Variants in ZNF221 observed in about 807,000 individuals in gnomAD.
ZNF221 encodes the protein zinc finger protein 221.
Under a neutral mutation model 12.6 loss-of-function variants are expected in ZNF221, and 10 were observed. That is an observed-to-expected ratio of 0.79 (90% CI 0.49 to 1.34). The LOEUF (loss-of-function observed/expected upper bound fraction) is 1.34. Among genes scored for constraint, ZNF221 ranks in the 40% most tolerant of loss-of-function variants. The pLI, the probability that ZNF221 is intolerant of heterozygous loss-of-function variation, is 0.00. For synonymous variants in ZNF221, 232 were observed against 244.0 expected (o/e 0.95, Z 0.46); for missense variants, 661 against 721.4 (o/e 0.92, Z 0.96).
chr19:43,954,543 T>C (rs1192070669), intron 1 of ZNF221, among the ~76,000 whole-genome samples: 4 of 152,188 alleles, frequency 2.6e-5, no homozygotes, highest in Non-Finnish European at 5.9e-5. Context: ...AGGTGCAGAA[T>C]AGTGGACTGT....
downstream of ZNF221, among the ~76,000 whole-genome samples, chr19:43,972,377 A>G (rs1232671538): frequency 6.6e-6 from 1 of 152,158 alleles, no homozygotes; most frequent in Admixed American, 6.5e-5. Flanking sequence ...AACCAAAAAC[A>G]AACCCCAAAG....
chr19:43,971,788 A>T (rs537449829), downstream of ZNF221, among the ~76,000 whole-genome samples: 6 of 152,284 alleles, frequency 3.9e-5, no homozygotes, highest in African/African-American at 1.4e-4. Context: ...CTACAAAGAG[A>T]CTTAGACTCC....
chr19:43,966,163 A>G lies in ZNF221; in HGVS notation c.661A>G (p.Met221Val), dbSNP rs1483698715. ...PALHIHQRVH[M>V]GEKCYKCDVC... ...CCTTCATATTCATCAGAGAGTCCAT[A>G]TGGGAGAAAAATGCTATAAGTGTGA... The change falls in exon 5 of 5, where the codon ATG becomes GTG. Residue 221 changes from methionine (M) to valine (V), a missense_variant. Met to Val is a conservative substitution (Grantham distance 21, BLOSUM62 1). Coordinates refer to ENST00000587682, the MANE Select transcript of ZNF221 (RefSeq NM_001297588.2). The G allele has an allele frequency of 1.2e-6, 2 of 1,614,218 alleles. No individual in the cohort carries two copies. The highest frequency in any genetic ancestry group is 1.7e-6 in the Non-Finnish European group (2 of 1,180,034).
At chr19:43,971,838 A>G (rs1448628612), downstream of ZNF221, among the ~76,000 whole-genome samples, 1 of 152,110 alleles carries the variant, frequency 6.6e-6, no homozygotes, top group African/African-American at 2.4e-5. Flanking sequence ...TCCATTGACA[A>G]TATTAGATCA....
intron 2 of ZNF221, 85 bp downstream of exon 2, chr19:43,962,892 A>G (rs771864856): frequency 1.3e-5 from 17 of 1,312,520 alleles, no homozygotes; most frequent in Non-Finnish European, 1.7e-5. Flanking sequence ...GGAAGACTCA[A>G]GGAGAACAAC....
the ZNF221 span, among the ~76,000 whole-genome samples, chr19:43,976,427 C>T: frequency 6.6e-6 from 1 of 152,032 alleles, no homozygotes; most frequent in Non-Finnish European, 1.5e-5. Context: ...ATCCCAGCTA[C>T]CTGAGAGGCT....
At chr19:43,978,984 A>T in the ZNF221 span, among the ~76,000 whole-genome samples, 1 of 138,772 alleles carries the variant, frequency 7.2e-6, no homozygotes, top group African/African-American at 2.7e-5. Context: ...AACTTCCTGG[A>T]TAGATTTGTT....
rs756718588 is a variant in ZNF221, at chr19:43,965,789, T to A, written c.302-15T>A. The A allele has an allele frequency of 1.3e-6, 2 of 1,566,830 alleles. No homozygotes were observed. The highest frequency in any genetic ancestry group is 1.7e-6 in the Non-Finnish European group (2 of 1,156,630). On this transcript the variant is annotated splice_polypyrimidine_tract_variant and intron_variant, in intron 4 of 4. Transcript: ENST00000587682. ...GCTTCACTTGCCCACATATATTAAT[T>A]CTGTGTCTTTTTAGGAGGCAAGATC...
rs1395298239 is a variant in ZNF221 at position 43,967,220 on chromosome 19, G to A, written c.1718G>A (p.Trp573Ter). 2 of 1,613,986 alleles carry A rather than the reference G, an allele frequency of 1.2e-6. No individual in the cohort carries two copies. Among genetic ancestry groups the A allele is most frequent in the African/African-American group, 2.7e-5 (2 of 74,904 alleles). The change falls in exon 5 of 5, where the codon TGG becomes TAG. Residue 573 changes from tryptophan (W) to a stop codon, truncating the protein, a stop_gained. Coordinates refer to ENST00000587682, the MANE Select transcript of ZNF221 (RefSeq NM_001297588.2). LOFTEE classifies it low-confidence loss of function (END_TRUNC). ...NCKECGKSFG[W>*]ASCLLKHQRL... ...AAGGAATGTGGAAAGAGCTTTGGCT[G>A]GGCTTCATGTCTTTTGAAACATCAG...
the ZNF221 span, among the ~76,000 whole-genome samples, chr19:43,980,416 G>A: frequency 6.6e-6 from 1 of 152,194 alleles, no homozygotes; most frequent in Non-Finnish European, 1.5e-5. Flanking sequence ...ACGTTGCAGA[G>A]TGCTTCACAA....
chr19:43,975,356 C>T, the ZNF221 span, among the ~76,000 whole-genome samples: 1 of 152,142 alleles, frequency 6.6e-6, no homozygotes, highest in African/African-American at 2.4e-5. Context: ...CCATGGAATA[C>T]TATGCAAACA....
the ZNF221 span, among the ~76,000 whole-genome samples, chr19:43,981,354 A>G: frequency 6.6e-6 from 1 of 152,240 alleles, no homozygotes; most frequent in Non-Finnish European, 1.5e-5. Context: ...AAATGGTACC[A>G]AAAAATTAAG....
At chr19:43,979,626 C>T in the ZNF221 span, among the ~76,000 whole-genome samples, 4 of 152,282 alleles carry the variant, frequency 2.6e-5, no homozygotes, top group African/African-American at 9.6e-5. Flanking sequence ...AGTGTTCCAT[C>T]TGAGCCATCC....
chr19:43,979,796 G>A, the ZNF221 span, among the ~76,000 whole-genome samples: 1 of 152,196 alleles, frequency 6.6e-6, no homozygotes, highest in South Asian at 2.1e-4. Flanking sequence ...TCTAGAGGAA[G>A]AGAATCTTAA....
Position 43,965,264 on chromosome 19 carries a change from C to A in ZNF221, c.240C>A (p.His80Gln), listed in dbSNP as rs771943171. The A allele has an allele frequency of 1.3e-5, 21 of 1,613,436 alleles. No homozygotes were observed. The highest frequency in any genetic ancestry group is 1.7e-5 in the Non-Finnish European group (20 of 1,179,710). Residue 80 changes from histidine to glutamine, a missense_variant, in exon 4 of 5, where the codon CAC becomes CAA. Physicochemically the swap from His to Gln is conservative, Grantham distance 24 (BLOSUM62 0). Coordinates refer to ENST00000587682, the MANE Select transcript of ZNF221 (RefSeq NM_001297588.2). ...GNQPFHQDTF[H>Q]FLGKEKFWKM... Reference sequence around the variant, plus strand: ...AACCATTCCACCAAGATACTTTCCACTTCTTAGGGAAGGAAAAGTTTTGGA... The same window carrying A: ...AACCATTCCACCAAGATACTTTCCAATTCTTAGGGAAGGAAAAGTTTTGGA...
downstream of ZNF221, among the ~76,000 whole-genome samples, chr19:43,971,603 C>T (rs975029110): frequency 6.6e-6 from 1 of 150,484 alleles, no homozygotes; most frequent in African/African-American, 2.5e-5. Flanking sequence ...GCAGGAGTCA[C>T]AATCCTAGTT....
Position 43,966,291 on chromosome 19 carries a change from C to A in ZNF221, c.789C>A (p.Phe263Leu), listed in dbSNP as rs1229380980. ...PFKCGQCGKG[F>L]HSRSALNVHC... ...AATGTGGGCAATGTGGGAAAGGCTT[C>A]CATAGTAGATCAGCACTTAATGTTC... is the stretch of plus-strand genomic sequence containing the variant. Residue 263 changes from phenylalanine to leucine, a missense_variant, in exon 5 of 5, where the codon TTC becomes TTA. By Grantham distance (22) the Phe-to-Leu change is conservative (BLOSUM62 0). Transcript: ENST00000587682. 1.2e-6 allele frequency: 2 copies of A among 1,613,304 alleles called. No homozygotes were observed. The highest frequency in any genetic ancestry group is 2.2e-5 in the East Asian group (1 of 44,860).
In ZNF221 at chr19:43,966,589, G is replaced by C; in HGVS notation, c.1087G>C (p.Glu363Gln). 6.2e-7 allele frequency: 1 copy of C among 1,614,164 alleles called. No individual in the cohort carries two copies. The change falls in exon 5 of 5, where the codon GAG becomes CAG. Residue 363 changes from glutamate to glutamine, a missense_variant. Coordinates refer to ENST00000587682, the MANE Select transcript of ZNF221 (RefSeq NM_001297588.2). ...TAGTCATTCCATGGTCCACATAGAA[G>C]AGAAGCCATACAAATGTGAGCAATG... ...LNSHSMVHIE[E>Q]KPYKCEQCGK...
At chr19:43,960,315 G>A (rs926075005) in intron 1 of ZNF221, 12 of 151,904 alleles carry the variant, frequency 7.9e-5, no homozygotes, top group Non-Finnish European at 1.5e-4. Flanking sequence ...ATTATATATG[G>A]GAGCAAAAAA....
Sources: gnomAD v4.1 joint callset for allele counts (sites outside exome capture counted in the v4.1 genomes callset) on GRCh38, gnomAD v4.1.1 for gene constraint, MANE v1.5 for transcripts, NCBI Gene and HGNC (gene_info 2026-07-23, HGNC 2026-07-21) for gene names.